Variants in POLR3B observed in about 807,000 individuals in gnomAD.
The protein encoded by POLR3B is RNA polymerase III subunit B.
A neutral mutation model predicts 147.4 loss-of-function variants in POLR3B; 96 were observed. The ratio of observed to expected loss-of-function variants is 0.65; its 90% CI spans 0.55 to 0.77. The LOEUF (loss-of-function observed/expected upper bound fraction) is 0.77. POLR3B is among the 30% of genes least tolerant of loss of function. The pLI, the probability that POLR3B is intolerant of heterozygous loss-of-function variation, is 0.00. For missense variants in POLR3B, 1,036 were observed against 1,413.5 expected (o/e 0.73, Z 4.28); for synonymous variants, 461 against 485.9 (o/e 0.95, Z 0.67).
chr12:106,420,658 C>T (rs919984789), intron 12 of POLR3B, among the ~76,000 whole-genome samples: 1 of 152,182 alleles, frequency 6.6e-6, no homozygotes, highest in Non-Finnish European at 1.5e-5. Context: ...GAAACAGAGC[C>T]ACCTAGTCTG....
chr12:106,497,089 C>T (rs2038502035), intron 25 of POLR3B, among the ~76,000 whole-genome samples, 171 bp downstream of exon 25: 1 of 147,254 alleles, frequency 6.8e-6, no homozygotes, highest in South Asian at 2.2e-4. Context: ...AATTCGTAAA[C>T]TTTTTTTAAA....
At chr12:106,432,824 A>G (rs2037527745) in intron 15 of POLR3B, among the ~76,000 whole-genome samples, 1 of 152,146 alleles carries the variant, frequency 6.6e-6, no homozygotes, top group Admixed American at 6.5e-5. Flanking sequence ...AAATTATCAG[A>G]TCAACTCTTA....
chr12:106,426,547 C>A (rs1260013097), intron 12 of POLR3B, among the ~76,000 whole-genome samples: 1 of 151,814 alleles, frequency 6.6e-6, no homozygotes. Flanking sequence ...GAACTCCTGA[C>A]CTCGTGATCA....
At chr12:106,411,566 A>G (rs1443767305) in intron 12 of POLR3B, among the ~76,000 whole-genome samples, 2 of 152,242 alleles carry the variant, frequency 1.3e-5, no homozygotes, top group Non-Finnish European at 2.9e-5. Context: ...AACATTTACT[A>G]AACACCTATT....
At chr12:106,485,381 T>A (rs1308020162) in intron 23 of POLR3B, among the ~76,000 whole-genome samples, 2 of 152,068 alleles carry the variant, frequency 1.3e-5, no homozygotes, top group Non-Finnish European at 2.9e-5. Flanking sequence ...TAAAAATGAA[T>A]ATAAGCAAAG....
chr12:106,463,281 T>A (rs762599580), intron 22 of POLR3B, among the ~76,000 whole-genome samples, 197 bp from the exon 23 acceptor site: 15 of 152,138 alleles, frequency 9.9e-5, no homozygotes, highest in Admixed American at 6.5e-5. Flanking sequence ...GCCTTCCTCA[T>A]AATAAACGTG....
intron 5 of POLR3B, 90 bp downstream of exon 5, chr12:106,369,440 G>A (rs2036574777): frequency 3.2e-6 from 3 of 951,730 alleles, no homozygotes. Context: ...TTTAAAAATG[G>A]GATGGGGGGG....
chr12:106,447,400 G>T (rs981363580), intron 19 of POLR3B, among the ~76,000 whole-genome samples: 62 of 152,286 alleles, frequency 4.1e-4, no homozygotes, highest in Non-Finnish European at 7.4e-5. Flanking sequence ...AGCAGAGGGT[G>T]TTTTTTAAAT....
intron 9 of POLR3B, among the ~76,000 whole-genome samples, chr12:106,384,617 A>AT (rs960492949): frequency 3.9e-5 from 6 of 151,998 alleles, no homozygotes; most frequent in Admixed American, 2.0e-4. Flanking sequence ...TTAGTGCCGT[A>AT]TTTTTTGTAT....
intron 9 of POLR3B, among the ~76,000 whole-genome samples, chr12:106,383,286 C>G (rs144524199): frequency 6.6e-5 from 10 of 152,278 alleles, no homozygotes; most frequent in African/African-American, 2.4e-4. Flanking sequence ...GTTTCACTTT[C>G]TTATCATGTA....
At chr12:106,408,889 A>G (rs146743559) in intron 11 of POLR3B, among the ~76,000 whole-genome samples, 1,792 of 152,324 alleles carry the variant, frequency 0.012, 6 homozygotes, top group Non-Finnish European at 0.018. Context: ...TTTCCAGCAT[A>G]TAGTCATTAA....
chr12:106,475,052 T>G (rs1382762672), intron 23 of POLR3B, among the ~76,000 whole-genome samples: 1 of 133,210 alleles, frequency 7.5e-6, no homozygotes, highest in Non-Finnish European at 1.6e-5. Context: ...TCCCAGAGAT[T>G]CTGGTATGTT....
chr12:106,403,867 C>T (rs888819436), intron 10 of POLR3B, among the ~76,000 whole-genome samples: 11 of 150,700 alleles, frequency 7.3e-5, no homozygotes, highest in African/African-American at 2.0e-4. Flanking sequence ...TGCTAAATGA[C>T]GAGTTAATGG....
chr12:106,397,787 G>A (rs2136921937), intron 10 of POLR3B, among the ~76,000 whole-genome samples: 1 of 152,318 alleles, frequency 6.6e-6, no homozygotes, highest in South Asian at 2.1e-4. Context: ...AAATAAGACT[G>A]TATAAGCAAA....
intron 4 of POLR3B, among the ~76,000 whole-genome samples, chr12:106,367,349 T>C (rs1368041609): frequency 6.6e-6 from 1 of 152,228 alleles, no homozygotes; most frequent in Non-Finnish European, 1.5e-5. Context: ...TACATAACCA[T>C]AGCACAATGA....
chr12:106,496,415 A>G (rs2038486926), intron 24 of POLR3B: 2 of 612,124 alleles, frequency 3.3e-6, no homozygotes. Context: ...CCTCAGCAAA[A>G]GAGAATCCCT....
At chr12:106,388,523 G>A (rs1055054514) in intron 9 of POLR3B, among the ~76,000 whole-genome samples, 6 of 152,004 alleles carry the variant, frequency 3.9e-5, no homozygotes, top group South Asian at 2.1e-4. Context: ...TCTCCATGTT[G>A]GCCAGGATGG....
In POLR3B at chr12:106,369,267, C is replaced by T; in HGVS notation, c.228-8C>T. 6.6e-7 allele frequency: 1 copy of T among 1,524,292 alleles called. No homozygotes were observed. Among genetic ancestry groups the T allele is most frequent in the South Asian group, 1.1e-5 (1 of 89,224 alleles). The allele number at this position is 1,524,292 out of a possible 1,614,324, so 94.4% of individuals were successfully genotyped here. On this transcript the variant is annotated splice_region_variant and splice_polypyrimidine_tract_variant and intron_variant, in intron 4 of 27. Transcript: ENST00000228347. ...GTATAATTCATACCGCACTAATTTG[C>T]TTTTCAGATATCTTAATATCTATGT...
chr12:106,465,290 T>C (rs913881378), intron 23 of POLR3B, among the ~76,000 whole-genome samples: 1 of 152,126 alleles, frequency 6.6e-6, no homozygotes, highest in Non-Finnish European at 1.5e-5. Context: ...TCTTGTAAAA[T>C]ATTGACACTG....
Sources: allele counts gnomAD v4.1 joint callset (sites outside exome capture counted in the v4.1 genomes callset), GRCh38; gene constraint gnomAD v4.1.1; transcripts MANE v1.5; gene names NCBI Gene and HGNC (gene_info 2026-07-23, HGNC 2026-07-21).